XAGE2: variants seen among roughly 807,000 people sequenced by gnomAD.
The protein encoded by XAGE2 is G antigen family D member 3.
XAGE2 carries 7 observed loss-of-function variants against 9.9 expected under a neutral mutation model. The ratio of observed to expected loss-of-function variants is 0.71; its 90% CI spans 0.40 to 1.32. The LOEUF (loss-of-function observed/expected upper bound fraction) is 1.32. XAGE2 is among the 40% of genes most tolerant of loss of function. The probability of loss-of-function intolerance (pLI) is 0.01; values close to 1 mark genes in which losing one functional copy is unlikely to be tolerated. For missense variants in XAGE2, 85 were observed against 81.0 expected (o/e 1.05, Z -0.19); for synonymous variants, 31 against 26.8 (o/e 1.16, Z -0.48).
chrX:52,372,747 T>G, intron 4 of XAGE2, 78 bp downstream of exon 4: 2 of 1,116,730 alleles, frequency 1.8e-6, no homozygotes, highest in Non-Finnish European at 2.5e-6. Flanking sequence ...AGAGAGATAA[T>G]ATTACTGCCA....
Position 52,375,655 on chromosome X carries a change from A to T in XAGE2, c.*64A>T. 1 of 1,002,135 alleles carries T rather than the reference A, an allele frequency of 1.0e-6. No homozygotes were observed. The highest frequency in any genetic ancestry group is 2.5e-5 in the Admixed American group (1 of 40,791). The allele number at this position is 1,002,135 out of a possible 1,213,427, so 82.6% of individuals were successfully genotyped here. On this transcript the variant is annotated 3_prime_UTR_variant, in exon 5 of 5. Coordinates refer to ENST00000286049, the MANE Select transcript of XAGE2 (RefSeq NM_130777.3). Reference sequence around the variant, plus strand: ...TAGATATTTTACTTTAAAATATCTTAATAAAGTTTTAAGCTTTTCTCCAAA... The same window carrying T: ...TAGATATTTTACTTTAAAATATCTTTATAAAGTTTTAAGCTTTTCTCCAAA...
chrX:52,373,496 A>G (rs1921243152), intron 4 of XAGE2, among the ~76,000 whole-genome samples: 1 of 111,594 alleles, frequency 9.0e-6, no homozygotes, highest in East Asian at 2.8e-4. Context: ...AGTCATGCTC[A>G]AGGTGGGTGT....
chrX:52,370,747 C>T (rs1921169911), intron 3 of XAGE2, 75 bp downstream of exon 3: 1 of 955,370 alleles, frequency 1.0e-6, no homozygotes, highest in Non-Finnish European at 1.5e-6. Context: ...ATGCCATGAC[C>T]AGTAATAGGA....
At chrX:52,373,532 T>C (rs1211370456) in intron 4 of XAGE2, among the ~76,000 whole-genome samples, 7 of 111,416 alleles carry the variant, frequency 6.3e-5, no homozygotes, top group East Asian at 5.6e-4. Flanking sequence ...AGCATGCTTT[T>C]TGCTCTCCTG....
At chrX:52,373,726 T>A (rs1395373801) in intron 4 of XAGE2, among the ~76,000 whole-genome samples, 5 of 112,089 alleles carry the variant, frequency 4.5e-5, no homozygotes, top group African/African-American at 6.5e-5. Flanking sequence ...CATTTTTTTT[T>A]ATAAATTGCT....
chrX:52,372,099 C>G (rs1871943886), intron 3 of XAGE2, among the ~76,000 whole-genome samples: 1 of 111,237 alleles, frequency 9.0e-6, no homozygotes, highest in Admixed American at 9.6e-5. Flanking sequence ...ACCTGTAATC[C>G]CAGCACTTTG....
Position 52,370,561 on chromosome X carries a change from T to G in XAGE2, c.82-6T>G, listed in dbSNP as rs1921164209. The G allele has an allele frequency of 2.5e-6, 3 of 1,207,125 alleles. No individual in the cohort carries two copies. On this transcript the variant is annotated splice_region_variant and splice_polypyrimidine_tract_variant and intron_variant, in intron 2 of 4. Coordinates refer to ENST00000286049, the MANE Select transcript of XAGE2 (RefSeq NM_130777.3). ...CTGCACACATACTGCCTCCCCTTTG[T>G]CCCAGGAACCCACTGATGAAGAGCC...
At chrX:52,371,999 A>G (rs966179234) in intron 3 of XAGE2, among the ~76,000 whole-genome samples, 15 of 111,651 alleles carry the variant, frequency 1.3e-4, no homozygotes, top group Non-Finnish European at 2.8e-4. Flanking sequence ...TATAATGCAC[A>G]CTGGCAAAGT....
Position 52,370,617 on chromosome X carries a change from G to A in XAGE2, c.132G>A (p.Arg44=). ...PKEEKPPTKS[R]NPTPDQKRED... is the part of the protein sequence containing the mutation. ...AAGAGAAACCACCCACTAAAAGTCG[G>A]AATCCTACACCTGATCAGAAGAGAG... Residue 44 remains arginine, a synonymous_variant, in exon 3 of 5, where the codon CGG becomes CGA. Coordinates refer to ENST00000286049, the MANE Select transcript of XAGE2 (RefSeq NM_130777.3). 8.3e-7 allele frequency: 1 copy of A among 1,211,561 alleles called. No homozygotes were observed. The highest frequency in any genetic ancestry group is 1.1e-6 in the Non-Finnish European group (1 of 895,418).
At chrX:52,370,460 C>T in intron 2 of XAGE2, 107 bp from the exon 3 acceptor site, 2 of 703,931 alleles carry the variant, frequency 2.8e-6, no homozygotes, top group Non-Finnish European at 4.6e-6. Flanking sequence ...TGTCTTTAGA[C>T]TTACTTGTGA....
intron 4 of XAGE2, among the ~76,000 whole-genome samples, 175 bp downstream of exon 4, chrX:52,372,844 T>A (rs2146415067): frequency 8.9e-6 from 1 of 112,696 alleles, no homozygotes; most frequent in South Asian, 3.6e-4. Flanking sequence ...TGCTCTCAGA[T>A]ACAGACACAA....
chrX:52,373,886 C>T (rs1325372175), intron 4 of XAGE2, among the ~76,000 whole-genome samples: 1 of 111,292 alleles, frequency 9.0e-6, no homozygotes, highest in East Asian at 2.8e-4. Context: ...GAACAAGCCT[C>T]AGTTGTATTC....
chrX:52,372,448 C>A (rs1478893349), intron 3 of XAGE2, 96 bp from the exon 4 acceptor site: 1 of 1,092,935 alleles, frequency 9.1e-7, no homozygotes, highest in East Asian at 3.1e-5. Context: ...AGCCTACAGG[C>A]TTTTATGTCA....
intron 4 of XAGE2, among the ~76,000 whole-genome samples, chrX:52,375,352 C>A (rs2146416361): frequency 9.0e-6 from 1 of 111,554 alleles, no homozygotes; most frequent in South Asian, 3.8e-4. Flanking sequence ...CACTAGAAAG[C>A]AGGGTGTGTT....
Position 52,369,911 on chromosome X carries a change from T to A in XAGE2, c.-8-96T>A. 3 of 967,937 alleles carry A rather than the reference T, an allele frequency of 3.1e-6. No individual in the cohort carries two copies. The East Asian group carries it at 9.2e-5, about 30-fold the overall frequency. 79.8% of individuals were successfully genotyped at this position (967,937 alleles called of 1,213,427 possible). A position where few individuals can be genotyped will look rare whatever the true frequency, so the allele number is the denominator to read the frequency against. On this transcript the variant is annotated intron_variant, in intron 1 of 4. Transcript: ENST00000286049. ...CTTACTTTCAAATTATTTCCAAACT[T>A]TTTTAAAAACTGAAATTTAACATTT...
chrX:52,372,592 G>A lies in XAGE2; in HGVS notation c.236G>A (p.Gly79Glu), dbSNP rs1921218547. 13 of 1,211,390 alleles carry A rather than the reference G, an allele frequency of 1.1e-5. No homozygotes were observed. The highest frequency in any genetic ancestry group is 1.5e-5 in the Non-Finnish European group (13 of 895,182). Reference sequence around the variant, plus strand: ...CAGGAGCTATGTCAGACAAAGACTGGGGATGGATGTGAAGGTGGTACTGAT... The same window carrying A: ...CAGGAGCTATGTCAGACAAAGACTGAGGATGGATGTGAAGGTGGTACTGAT... ...DLQELCQTKT[G>E]DGCEGGTDVK... Residue 79 changes from glycine to glutamate, a missense_variant, in exon 4 of 5, where the codon GGG becomes GAG. Physicochemically the swap from Gly to Glu is moderately conservative, Grantham distance 98. Coordinates refer to ENST00000286049, the MANE Select transcript of XAGE2 (RefSeq NM_130777.3).
chrX:52,373,944 A>AAAT (rs1363055110), intron 4 of XAGE2, among the ~76,000 whole-genome samples: 1 of 111,827 alleles, frequency 8.9e-6, no homozygotes, highest in Non-Finnish European at 1.9e-5. Context: ...AATAGATAGC[A>AAAT]AATTACATGA....
intron 4 of XAGE2, among the ~76,000 whole-genome samples, chrX:52,374,339 T>C (rs893718633): frequency 1.4e-4 from 16 of 111,637 alleles, no homozygotes; most frequent in Non-Finnish European, 2.6e-4. Context: ...CAGGTTCAAG[T>C]GATTCTCCTG....
At chrX:52,375,208 GT>G (rs1299917688) in intron 4 of XAGE2, among the ~76,000 whole-genome samples, 2 of 111,482 alleles carry the variant, frequency 1.8e-5, no homozygotes, top group East Asian at 2.8e-4. Flanking sequence ...TTGTTTCTTA[GT>G]TTTTTTGTGT....
Sources: allele counts gnomAD v4.1 joint callset (sites outside exome capture counted in the v4.1 genomes callset), GRCh38; gene constraint gnomAD v4.1.1; transcripts MANE v1.5; gene names NCBI Gene and HGNC (gene_info 2026-07-23, HGNC 2026-07-21).